JARID2: variants seen among roughly 807,000 people sequenced by gnomAD.
JARID2 encodes the protein jumonji and AT-rich interaction domain containing 2.
JARID2 carries 21 observed loss-of-function variants against 125.6 expected under a neutral mutation model. The ratio of observed to expected loss-of-function variants is 0.17; its 90% confidence interval spans 0.12 to 0.24. JARID2 has a LOEUF of 0.24. Ranked by LOEUF, JARID2 falls within the 10% of genes least tolerant of loss-of-function variation. The pLI, the probability that JARID2 is intolerant of heterozygous loss-of-function variation, is 1.00. For synonymous variants in JARID2, 736 were observed against 661.6 expected, an observed-to-expected ratio of 1.11 and a Z score of -1.73; for missense variants, 1,303 against 1,639.6, an observed-to-expected ratio of 0.79 and a Z score of 3.55.
chr6:15,512,611 T>A (rs1374698426), intron 14 of JARID2, among the ~76,000 whole-genome samples: 1 of 152,214 alleles, frequency 6.6e-6, no homozygotes, highest in Non-Finnish European at 1.5e-5. Context: ...AGACCGTTAC[T>A]GACAGACCCC....
At chr6:15,371,409 T>C (rs1475361103) in intron 1 of JARID2, among the ~76,000 whole-genome samples, 1 of 152,172 alleles carries the variant, frequency 6.6e-6, no homozygotes, top group East Asian at 1.9e-4. Flanking sequence ...ATTCGAACAG[T>C]GAGAATAGGA....
At chr6:15,466,512 A>G (rs956768621) in intron 4 of JARID2, among the ~76,000 whole-genome samples, 1 of 152,248 alleles carries the variant, frequency 6.6e-6, no homozygotes, top group Non-Finnish European at 1.5e-5. Context: ...GTTCTCTCCT[A>G]ATGGTATGAC....
At chr6:15,491,644 A>C (rs1262383204) in intron 6 of JARID2, among the ~76,000 whole-genome samples, 1 of 152,190 alleles carries the variant, frequency 6.6e-6, no homozygotes, top group African/African-American at 2.4e-5. Context: ...TGAACGACTA[A>C]AACATTTTTG....
intron 2 of JARID2, among the ~76,000 whole-genome samples, chr6:15,387,984 G>T (rs964011116): frequency 2.6e-5 from 4 of 152,132 alleles, no homozygotes; most frequent in African/African-American, 9.7e-5. Flanking sequence ...GAAAGACCCT[G>T]CAGGGTCACC....
intron 1 of JARID2, among the ~76,000 whole-genome samples, chr6:15,328,071 T>A (rs554856355): frequency 3.6e-4 from 55 of 152,258 alleles, no homozygotes; most frequent in African/African-American, 1.3e-3. Context: ...AGCTGTTCAA[T>A]AAATATTGGT....
intron 3 of JARID2, among the ~76,000 whole-genome samples, chr6:15,443,147 G>A (rs576220241): frequency 1.3e-5 from 2 of 152,162 alleles, no homozygotes; most frequent in Admixed American, 1.3e-4. Flanking sequence ...GTATTCCAAG[G>A]GAGTGAAGTG....
chr6:15,512,858 C>G (rs1197302229), intron 14 of JARID2, 57 bp from the exon 15 acceptor site: 2 of 1,561,292 alleles, frequency 1.3e-6, no homozygotes, highest in African/African-American at 1.4e-5. Flanking sequence ...CAAGAAGAAC[C>G]TTGACAGCTG....
chr6:15,416,064 A>G (rs1425426603), intron 3 of JARID2, among the ~76,000 whole-genome samples: 1 of 149,954 alleles, frequency 6.7e-6, no homozygotes, highest in Non-Finnish European at 1.5e-5. Flanking sequence ...GGCGGGGCAG[A>G]GGCGCTCCCC....
chr6:15,511,989 G>A (rs1771302003), intron 13 of JARID2, among the ~76,000 whole-genome samples: 1 of 152,222 alleles, frequency 6.6e-6, no homozygotes, highest in African/African-American at 2.4e-5. Flanking sequence ...GGCCTGTGTG[G>A]TCATCATGTC....
At chr6:15,466,356 C>G (rs1260812967) in intron 4 of JARID2, among the ~76,000 whole-genome samples, 1 of 152,242 alleles carries the variant, frequency 6.6e-6, no homozygotes, top group Non-Finnish European at 1.5e-5. Flanking sequence ...ATTTCAGCTG[C>G]TAGTCATTGC....
chr6:15,487,503 C>T lies in JARID2; in HGVS notation c.867C>T (p.His289=). 2.5e-6 allele frequency: 4 copies of T among 1,613,784 alleles called. No homozygotes were observed. The highest frequency in any genetic ancestry group is 3.4e-6 in the Non-Finnish European group (4 of 1,179,756). The part of the protein sequence containing the change: ...SAKGLAATHH[H]PPLHRSAQDL... ...AGGGGCTTGCTGCCACCCATCACCA[C>T]CCCCCTCTGCATCGGTCGGCTCAGG... is the stretch of plus-strand genomic sequence containing the variant. Residue 289 remains histidine, a synonymous_variant, in exon 6 of 18, where the codon CAC becomes CAT. Transcript: ENST00000341776.
chr6:15,506,595 G>T (rs147924995), intron 9 of JARID2, among the ~76,000 whole-genome samples: 3 of 152,318 alleles, frequency 2.0e-5, no homozygotes, highest in Non-Finnish European at 2.9e-5. Context: ...AGGTGACTGC[G>T]TGGGGAGGCT....
At chr6:15,342,362 C>A (rs142168221) in intron 1 of JARID2, among the ~76,000 whole-genome samples, 25 of 152,324 alleles carry the variant, frequency 1.6e-4, no homozygotes, top group East Asian at 1.3e-3. Flanking sequence ...GGACTACCCC[C>A]ACAAGGGTGG....
At chr6:15,396,223 G>A (rs1308770115) in intron 2 of JARID2, among the ~76,000 whole-genome samples, 1 of 152,058 alleles carries the variant, frequency 6.6e-6, no homozygotes, top group South Asian at 2.1e-4. Flanking sequence ...AATATATATT[G>A]AACCAAAATT....
At chr6:15,376,998 C>T (rs769945183) in intron 2 of JARID2, among the ~76,000 whole-genome samples, 2 of 152,012 alleles carry the variant, frequency 1.3e-5, no homozygotes, top group South Asian at 2.1e-4. Context: ...TGTATATATG[C>T]GTGTATGTAT....
At chr6:15,345,836 T>TG (rs901422325) in intron 1 of JARID2, among the ~76,000 whole-genome samples, 16 of 152,202 alleles carry the variant, frequency 1.1e-4, no homozygotes, top group African/African-American at 3.9e-4. Context: ...CATTGAGCCT[T>TG]GGGTGGACCA....
chr6:15,332,314 A>G (rs1332765572), intron 1 of JARID2, among the ~76,000 whole-genome samples: 1 of 152,224 alleles, frequency 6.6e-6, no homozygotes, highest in African/African-American at 2.4e-5. Context: ...ACTGGGGCTC[A>G]AACATGCCAG....
chr6:15,496,503 G>T lies in JARID2; in HGVS notation c.1278G>T (p.Gln426His). The T allele has an allele frequency of 6.2e-7, 1 of 1,606,646 alleles. No homozygotes were observed. Among genetic ancestry groups the T allele is most frequent in the Non-Finnish European group, 8.5e-7 (1 of 1,176,544 alleles). Reference protein sequence around the residue: ...KSCTKEVGGRQLREGLQLREG... With the variant: ...KSCTKEVGGRHLREGLQLREG... The stretch of plus-strand genomic sequence containing the variant: ...GCACTAAGGAGGTGGGGGGGCGGCA[G>T]CTGCGGGAGGGCCTGCAGCTGCGGG... The change falls in exon 7 of 18, where the codon CAG (glutamine) becomes CAT (histidine). Residue 426 changes from glutamine (Q) to histidine (H), a missense_variant. Physicochemically the swap from Gln to His is conservative, Grantham distance 24. This residue lies in a region of JARID2 where 651 missense variants were observed against 581.6 expected (regional missense o/e 1.12). Transcript: ENST00000341776.
chr6:15,517,344 C>G, intron 17 of JARID2, 76 bp downstream of exon 17: 1 of 1,015,536 alleles, frequency 9.8e-7, no homozygotes, highest in South Asian at 1.3e-5. Context: ...GTAGGCACTC[C>G]GGCCTGGCAG....
Sources: allele counts gnomAD v4.1 joint callset (sites outside exome capture counted in the v4.1 genomes callset), GRCh38; gene constraint gnomAD v4.1.1; regional missense constraint gnomAD v4.1.1; transcripts MANE v1.5; gene names NCBI Gene and HGNC (gene_info 2026-07-23, HGNC 2026-07-21).